ZNF217: variants seen among roughly 807,000 people sequenced by gnomAD.
The protein encoded by ZNF217 is zinc finger protein 217.
Under a neutral mutation model 73.3 loss-of-function variants are expected in ZNF217, and 12 were observed. The ratio of observed to expected loss-of-function variants is 0.16; its 90% CI spans 0.10 to 0.27. The LOEUF (loss-of-function observed/expected upper bound fraction) is 0.27. ZNF217 is among the 10% of genes least tolerant of loss of function. The probability of loss-of-function intolerance (pLI) is 1.00; values close to 1 mark genes in which losing one functional copy is unlikely to be tolerated. For synonymous variants in ZNF217, 588 were observed against 516.4 expected (o/e 1.14, Z -1.88); for missense variants, 1,195 against 1,327.8 (o/e 0.90, Z 1.55).
chr20:53,582,203 G>C lies in ZNF217; in HGVS notation c.624C>G (p.Ala208=). The stretch of plus-strand genomic sequence containing the variant: ...TTTTGTAAGGAGAGGAGATGCTCTC[G>C]GCCGCGTGCACCTGGACGACCTCGT... ...TINEVVQVHA[A]ESISSPYKIC... is the part of the protein sequence containing the mutation. The change falls in exon 2 of 6, where the codon GCC becomes GCG. Residue 208 remains alanine, a synonymous_variant. Coordinates refer to ENST00000371471, the MANE Select transcript of ZNF217 (RefSeq NM_006526.3). This position sits in a 1 kb window ranked among gnomAD's most constrained non-coding sequence, Gnocchi z 4.8. 1 of 1,614,014 alleles carries C rather than the reference G, an allele frequency of 6.2e-7. No individual in the cohort carries two copies. Among genetic ancestry groups the C allele is most frequent in the South Asian group, 1.1e-5 (1 of 91,080 alleles).
chr20:53,576,821 G>A lies in ZNF217; in HGVS notation c.1943C>T (p.Thr648Ile). The part of the protein sequence containing the change: ...NLICRTKADV[T>I]PPPDGSTTHN... The stretch of plus-strand genomic sequence containing the variant: ...GGTGGTACTGCCATCCGGAGGAGGA[G>A]TAACATCCGCCTTGGTTCTACAGAT... The change falls in exon 4 of 6, where the codon ACT becomes ATT. Residue 648 changes from threonine (T) to isoleucine (I), a missense_variant. By Grantham distance (89) the Thr-to-Ile change is moderately conservative. Around this residue, in one of 9 missense-constraint regions of ZNF217, gnomAD observed 649 missense variants for 642.8 expected, o/e 1.01. Transcript: ENST00000371471. The A allele has an allele frequency of 4.3e-6, 7 of 1,614,244 alleles. No homozygotes were observed. Among genetic ancestry groups the A allele is most frequent in the Non-Finnish European group, 5.1e-6 (6 of 1,180,044 alleles).
In ZNF217 at chr20:53,581,682, T is replaced by C. The variant is rs962740213; in HGVS notation, c.1145A>G (p.Lys382Arg). The C allele has an allele frequency of 3.7e-6, 6 of 1,614,222 alleles. No individual in the cohort carries two copies. Among genetic ancestry groups the C allele is most frequent in the Middle Eastern group, 3.3e-4 (2 of 6,062 alleles). ...CAGCTGGTGGTAGGTTCTGAAAGCT[T>C]TGCCGCACTCGGAGCAGTGAGTGGG... ...EKPTHCSECG[K>R]AFRTYHQLVL... Residue 382 changes from lysine (K) to arginine (R), a missense_variant, in exon 2 of 6, where the codon AAA (lysine) becomes AGA (arginine). Physicochemically the swap from Lys to Arg is conservative, Grantham distance 26. Around this residue, in one of 9 missense-constraint regions of ZNF217, gnomAD observed 102 missense variants for 91.9 expected, o/e 1.11. Coordinates refer to ENST00000371471, the MANE Select transcript of ZNF217 (RefSeq NM_006526.3). This position sits in a 1 kb window ranked among gnomAD's most constrained non-coding sequence, Gnocchi z 4.9.
Position 53,576,589 on chromosome 20 carries a change from T to A in ZNF217, c.2175A>T (p.Leu725Phe), listed in dbSNP as rs1268373917. 1.2e-6 allele frequency: 2 copies of A among 1,614,132 alleles called. No homozygotes were observed. The highest frequency in any genetic ancestry group is 2.7e-5 in the African/African-American group (2 of 74,948). Reference protein sequence around the residue: ...CTFKTFYPEVLMMHQRLEHKY... With the variant: ...CTFKTFYPEVFMMHQRLEHKY... The stretch of plus-strand genomic sequence containing the variant: ...TATGCTCCAGTCTCTGGTGCATCAT[T>A]AAAACTTCTGGATAAAATGTCTTGA... Residue 725 changes from leucine (L) to phenylalanine (F), a missense_variant, in exon 4 of 6, where the codon TTA becomes TTT. Leu to Phe is a conservative substitution (Grantham distance 22, BLOSUM62 0). Transcript: ENST00000371471.
In ZNF217 at chr20:53,569,622, G is replaced by A. The variant is rs535787217; in HGVS notation, c.*24-358C>T. On this transcript the variant is annotated intron_variant, in intron 5 of 5. Coordinates refer to ENST00000371471, the MANE Select transcript of ZNF217 (RefSeq NM_006526.3). ...TGGTCTTGAACTCCTGACTTCAAGT[G>A]ATCTGCCCGCCTTGGCCTCCCAAAG... 5.9e-5 allele frequency among the ~76,000 whole-genome samples: 9 copies of A among 152,296 alleles called. No homozygotes were observed. The East Asian group carries it at 1.7e-3, about 29-fold the overall frequency.
Position 53,575,938 on chromosome 20 carries a change from A to G in ZNF217, c.2826T>C (p.Leu942=). The G allele has an allele frequency of 6.2e-7, 1 of 1,614,174 alleles. No homozygotes were observed. The change falls in exon 4 of 6, where the codon CTT becomes CTC. Residue 942 remains leucine (L), a synonymous_variant. Coordinates refer to ENST00000371471, the MANE Select transcript of ZNF217 (RefSeq NM_006526.3). ...PGANYRRGYD[L]PKYHMVRGIT... The stretch of plus-strand genomic sequence containing the variant: ...TGCCTCTGACCATATGGTACTTGGG[A>G]AGGTCATAGCCTCTTCTGTAATTGG...
chr20:53,569,395 T>C (rs1390451296), intron 5 of ZNF217, 131 bp from the exon 6 acceptor site: 4 of 683,898 alleles, frequency 5.8e-6, no homozygotes, highest in Non-Finnish European at 8.1e-6. Flanking sequence ...TTTGTTGTTG[T>C]TGTTTTTGAG....
chr20:53,597,381 A>C (rs2145994668), upstream of ZNF217, among the ~76,000 whole-genome samples: 1 of 152,296 alleles, frequency 6.6e-6, no homozygotes, highest in East Asian at 1.9e-4. Flanking sequence ...AACATGAAAA[A>C]GTTAGGCAAA....
intron 3 of ZNF217, 115 bp downstream of exon 3, chr20:53,578,219 A>G: frequency 1.5e-6 from 1 of 658,806 alleles, no homozygotes; most frequent in South Asian, 2.0e-5. Context: ...CATGCTACAT[A>G]TTTATCCTTA....
At chr20:53,596,479 G>A (rs1989044162), upstream of ZNF217, among the ~76,000 whole-genome samples, 1 of 152,194 alleles carries the variant, frequency 6.6e-6, no homozygotes, top group South Asian at 2.1e-4. Context: ...GAAGGACATA[G>A]AGGGATCTGA....
At chr20:53,585,095 GAAAAA>G (rs748460021) in intron 1 of ZNF217, among the ~76,000 whole-genome samples, 470 of 46,952 alleles carry the variant, frequency 0.01, no homozygotes, top group Non-Finnish European at 0.015. Flanking sequence ...GTGAGAATTT[GAAAAA>G]AAAAAAAAAA....
chr20:53,589,469 C>T (rs1988807658), intron 1 of ZNF217, among the ~76,000 whole-genome samples: 1 of 152,198 alleles, frequency 6.6e-6, no homozygotes, highest in Non-Finnish European at 1.5e-5. Flanking sequence ...AGCATTCCAA[C>T]GTTAAATATA....
At chr20:53,589,433 G>C (rs1305853305) in intron 1 of ZNF217, among the ~76,000 whole-genome samples, 1 of 152,194 alleles carries the variant, frequency 6.6e-6, no homozygotes, top group East Asian at 1.9e-4. Context: ...GTTCAGAACA[G>C]TCAGTCAACA....
intron 2 of ZNF217, among the ~76,000 whole-genome samples, chr20:53,579,084 A>G (rs1041450387): frequency 3.9e-5 from 6 of 152,224 alleles, no homozygotes; most frequent in Non-Finnish European, 2.9e-5. Flanking sequence ...TGGGCGAAAG[A>G]GATCTGACAA....
At chr20:53,577,848 C>A (rs768553710) in intron 3 of ZNF217, among the ~76,000 whole-genome samples, 10 of 152,188 alleles carry the variant, frequency 6.6e-5, no homozygotes, top group Non-Finnish European at 1.5e-4. Flanking sequence ...GTAATCCCAG[C>A]ACTATGGGAG....
upstream of ZNF217, among the ~76,000 whole-genome samples, chr20:53,597,214 G>A (rs1017564806): frequency 2.6e-5 from 4 of 151,924 alleles, no homozygotes; most frequent in African/African-American, 9.7e-5. Context: ...TTCACAAGAC[G>A]TTATTTTACT....
intron 1 of ZNF217, 149 bp from the exon 2 acceptor site, chr20:53,583,317 C>T (rs564979224): frequency 3.7e-4 from 144 of 391,930 alleles, no homozygotes; most frequent in Middle Eastern, 6.3e-4. Flanking sequence ...TCCTGTTAAA[C>T]GTGCTTGTTA....
intron 2 of ZNF217, among the ~76,000 whole-genome samples, chr20:53,578,983 G>GA (rs1988387230): frequency 6.6e-6 from 1 of 152,172 alleles, no homozygotes; most frequent in Non-Finnish European, 1.5e-5. Flanking sequence ...CAACAGAAAA[G>GA]AAAGTCTGGC....
chr20:53,578,501 A>G, intron 2 of ZNF217, 51 bp from the exon 3 acceptor site: 1 of 1,148,696 alleles, frequency 8.7e-7, no homozygotes, highest in Non-Finnish European at 1.2e-6. Flanking sequence ...GAAGTACCTG[A>G]ATAAGGCATG....
upstream of ZNF217, among the ~76,000 whole-genome samples, chr20:53,594,261 G>C (rs1282879353): frequency 3.3e-5 from 5 of 151,732 alleles, no homozygotes; most frequent in African/African-American, 1.2e-4. Flanking sequence ...TGTTGGGTCA[G>C]AAAGTGTTCA....
Sources: gnomAD v4.1 joint callset for allele counts (sites outside exome capture counted in the v4.1 genomes callset) on GRCh38, gnomAD v4.1.1 for gene constraint, gnomAD v4.1.1 regional missense constraint, Gnocchi (gnomAD v3.1) non-coding constraint, MANE v1.5 for transcripts, NCBI Gene and HGNC (gene_info 2026-07-23, HGNC 2026-07-21) for gene names.